SPATA7: variants seen among roughly 807,000 people sequenced by gnomAD.
SPATA7 encodes the protein spermatogenesis associated 7.
In SPATA7, 43 loss-of-function variants were observed where a neutral mutation model predicts 51.8. The observed-to-expected ratio is 0.83, with a 90% CI of 0.65 to 1.07. SPATA7 has a LOEUF of 1.07. Among genes scored for constraint, SPATA7 ranks in the 50% least tolerant of loss-of-function variants. The pLI is 0.00. For synonymous variants in SPATA7, 230 were observed against 252.8 expected, an observed-to-expected ratio of 0.91 and a Z score of 0.86; for missense variants, 683 against 701.3, an observed-to-expected ratio of 0.97 and a Z score of 0.30.
chr14:88,416,048 C>G (rs544758390), intron 4 of SPATA7: 3 of 152,434 alleles, frequency 2.0e-5, no homozygotes, highest in Admixed American at 6.5e-5. Context: ...CCTTCCACCA[C>G]GAGCAAAAGC....
chr14:88,418,844 G>A (rs2139969769), intron 5 of SPATA7, among the ~76,000 whole-genome samples: 1 of 152,198 alleles, frequency 6.6e-6, no homozygotes, highest in East Asian at 1.9e-4. Context: ...CTCTGTATCT[G>A]CTTTTTCCTT....
chr14:88,454,941 C>T (rs2077274603), intron 3 of SPATA7: 4 of 382,542 alleles, frequency 1.0e-5, no homozygotes, highest in Non-Finnish European at 2.1e-5. Flanking sequence ...GGTTCTCAAA[C>T]TTTAATGTGT....
intron 4 of SPATA7, among the ~76,000 whole-genome samples, chr14:88,411,680 G>A (rs2076345318): frequency 6.6e-6 from 1 of 152,074 alleles, no homozygotes; most frequent in Non-Finnish European, 1.5e-5. Context: ...CCCTGCTTCA[G>A]CTCACCCTCC....
At chr14:88,396,089 T>C in intron 3 of SPATA7, 67 bp from the exon 4 acceptor site, 2 of 1,302,808 alleles carry the variant, frequency 1.5e-6, no homozygotes, top group South Asian at 2.4e-5. Context: ...TTTTGTGATT[T>C]CCACATTTGG....
intron 4 of SPATA7, among the ~76,000 whole-genome samples, chr14:88,401,923 A>G (rs769560142): frequency 6.6e-6 from 1 of 151,914 alleles, no homozygotes; most frequent in East Asian, 1.9e-4. Flanking sequence ...ATGCCCAATA[A>G]AAAAGAACTG....
At chr14:88,448,311 C>T (rs1348733348) in intron 3 of SPATA7, among the ~76,000 whole-genome samples, 1 of 152,154 alleles carries the variant, frequency 6.6e-6, no homozygotes, top group East Asian at 1.9e-4. Context: ...TCACATAGTT[C>T]TCGAGCCTTG....
intron 4 of SPATA7, among the ~76,000 whole-genome samples, chr14:88,464,587 G>A (rs544347657): frequency 2.2e-4 from 34 of 152,084 alleles, no homozygotes; most frequent in South Asian, 1.2e-3. Flanking sequence ...AAAATTAGCC[G>A]GGCGTAATGG....
Position 88,426,507 on chromosome 14 carries a change from C to T in SPATA7, c.648C>T (p.Val216=). 1 of 1,614,204 alleles carries T rather than the reference C, an allele frequency of 6.2e-7. No individual in the cohort carries two copies. The highest frequency in any genetic ancestry group is 8.5e-7 in the Non-Finnish European group (1 of 1,180,026). The stretch of plus-strand genomic sequence containing the variant: ...CAAATTCCCACCGGTTTCAGTTAGT[C>T]ATTTCGAAAGCACCCAGTGGGGATC... ...TFPNSHRFQL[V]ISKAPSGDLL... Residue 216 remains valine (V), a synonymous_variant, in exon 6 of 12, where the codon GTC becomes GTT. Coordinates refer to ENST00000393545, the MANE Select transcript of SPATA7 (RefSeq NM_018418.5).
At chr14:88,403,170 CAA>C (rs2076116143) in intron 4 of SPATA7, among the ~76,000 whole-genome samples, 1 of 152,068 alleles carries the variant, frequency 6.6e-6, no homozygotes. Flanking sequence ...CAACATGTAA[CAA>C]GTGTTGGCAA....
intron 5 of SPATA7, among the ~76,000 whole-genome samples, chr14:88,422,195 T>C (rs1387303644): frequency 6.6e-6 from 1 of 152,116 alleles, no homozygotes; most frequent in Admixed American, 6.5e-5. Flanking sequence ...GTATATTTAG[T>C]AGACACTTGG....
At position 88,438,219 on chromosome 14, in the gene SPATA7, G is replaced by T. The variant is rs2077146079; in HGVS notation, c.1597G>T (p.Asp533Tyr). 6.2e-7 allele frequency: 1 copy of T among 1,613,902 alleles called. No individual in the cohort carries two copies. The highest frequency in any genetic ancestry group is 8.5e-7 in the Non-Finnish European group (1 of 1,180,004). Reference protein sequence around the residue: ...NHPSISDSLTDRETSVNVIEG... With the variant: ...NHPSISDSLTYRETSVNVIEG... The stretch of plus-strand genomic sequence containing the variant: ...TCCAAGTATTTCAGACAGTTTAACA[G>T]ATCGGGAAACTTCTGTGAATGTCAT... Residue 533 changes from aspartate to tyrosine, a missense_variant, in exon 12 of 12, where the codon GAT becomes TAT. Transcript: ENST00000393545.
At chr14:88,446,632 T>C (rs1344245880) in intron 3 of SPATA7, among the ~76,000 whole-genome samples, 2 of 152,266 alleles carry the variant, frequency 1.3e-5, no homozygotes, top group South Asian at 4.2e-4. Flanking sequence ...GTGCTATAAA[T>C]TTCCCTCTAC....
chr14:88,449,499 A>G (rs1555379324), intron 3 of SPATA7, among the ~76,000 whole-genome samples: 1 of 152,166 alleles, frequency 6.6e-6, no homozygotes, highest in Non-Finnish European at 1.5e-5. Context: ...CCTATCATAT[A>G]TGGTCTATCT....
intron 4 of SPATA7, chr14:88,468,295 A>G: frequency 6.4e-7 from 1 of 1,572,058 alleles, no homozygotes; most frequent in Non-Finnish European, 8.6e-7. Flanking sequence ...AATGAAGATA[A>G]TGTGTTCCCC....
intron 4 of SPATA7, among the ~76,000 whole-genome samples, chr14:88,397,898 A>T (rs2075934542): frequency 6.6e-6 from 1 of 152,094 alleles, no homozygotes; most frequent in Admixed American, 6.5e-5. Context: ...CCTGGCTAAC[A>T]GGGTGAAACC....
At chr14:88,407,541 C>A (rs1472976281) in intron 4 of SPATA7, among the ~76,000 whole-genome samples, 1 of 152,166 alleles carries the variant, frequency 6.6e-6, no homozygotes, top group African/African-American at 2.4e-5. Flanking sequence ...CAAAATTTTT[C>A]TCCCATTTTG....
At chr14:88,426,150 A>AT in intron 5 of SPATA7, 82 bp from the exon 6 acceptor site, 1 of 1,006,900 alleles carries the variant, frequency 9.9e-7, no homozygotes, top group Non-Finnish European at 1.5e-6. Context: ...TGAGGCTATC[A>AT]TTTTTTTAAT....
At chr14:88,437,190 C>A (rs967289879) in intron 10 of SPATA7, among the ~76,000 whole-genome samples, 3 of 147,862 alleles carry the variant, frequency 2.0e-5, no homozygotes, top group Non-Finnish European at 4.5e-5. Flanking sequence ...AGAGGTTTTT[C>A]TTTAGGGTTT....
rs145187915 is a variant in SPATA7 at position 88,469,845 on chromosome 14, A to T, written c.255-2A>T. On this transcript the variant is annotated splice_acceptor_variant, in intron 4 of 4. Transcript: ENST00000556406. LOFTEE classifies it high-confidence loss of function. The surrounding 1 kb of genome is among the most constrained non-coding windows in gnomAD (Gnocchi z 4.3). ...AACCCTACCCTGCCTTTTTCTCCAC[A>T]GGTCAGGATTCCAGATGATTAACAT... 2.6e-4 allele frequency: 411 copies of T among 1,607,940 alleles called. No homozygotes were observed. The highest frequency in any genetic ancestry group is 3.3e-4 in the Middle Eastern group (2 of 6,052).
Sources: allele counts gnomAD v4.1 joint callset (sites outside exome capture counted in the v4.1 genomes callset), GRCh38; gene constraint gnomAD v4.1.1; non-coding constraint Gnocchi (gnomAD v3.1); transcripts MANE v1.5; gene names NCBI Gene and HGNC (gene_info 2026-07-23, HGNC 2026-07-21).